LRRC4C: variants seen among roughly 807,000 people sequenced by gnomAD.
The protein encoded by LRRC4C is leucine rich repeat containing 4C, also known as leucine-rich repeat-containing protein 4C.
Under a neutral mutation model 33.6 loss-of-function variants are expected in LRRC4C, and 5 were observed. The observed-to-expected ratio is 0.15, with a 90% CI of 0.08 to 0.31. The LOEUF is 0.31. Ranked by LOEUF, LRRC4C falls within the 10% of genes least tolerant of loss-of-function variation. The pLI is 1.00. For missense variants in LRRC4C, 560 were observed against 796.7 expected (o/e 0.70, Z 3.58); for synonymous variants, 329 against 302.0 (o/e 1.09, Z -0.93).
intron 1 of LRRC4C, among the ~76,000 whole-genome samples, chr11:41,333,050 T>C (rs1303009766): frequency 2.0e-5 from 3 of 152,190 alleles, no homozygotes; most frequent in Non-Finnish European, 4.4e-5. Flanking sequence ...GCAGATGTCT[T>C]ATTCTGTTTT....
At chr11:40,848,013 GT>G (rs1275985979) in intron 2 of LRRC4C, among the ~76,000 whole-genome samples, 1 of 151,556 alleles carries the variant, frequency 6.6e-6, no homozygotes, top group East Asian at 1.9e-4. Flanking sequence ...CCTTTTATCA[GT>G]TTTTATTGTG....
chr11:40,451,201 A>G (rs1178947801), intron 3 of LRRC4C, among the ~76,000 whole-genome samples: 2 of 151,760 alleles, frequency 1.3e-5, no homozygotes, highest in Non-Finnish European at 2.9e-5. Flanking sequence ...TAGACAGTGA[A>G]AAATAATAGA....
intron 5 of LRRC4C, among the ~76,000 whole-genome samples, chr11:40,187,644 G>A (rs1309536123): frequency 1.3e-5 from 2 of 152,068 alleles, no homozygotes; most frequent in Non-Finnish European, 2.9e-5. Context: ...GAGAAGGAAA[G>A]GGACTCTGGC....
chr11:41,430,450 G>T (rs1286034462), intron 1 of LRRC4C, among the ~76,000 whole-genome samples: 1 of 152,050 alleles, frequency 6.6e-6, no homozygotes, highest in Non-Finnish European at 1.5e-5. Flanking sequence ...TCAAACTGTT[G>T]TGCCAGTTCC....
At chr11:40,276,674 A>AGT (rs56155922) in intron 4 of LRRC4C, among the ~76,000 whole-genome samples, 12,540 of 127,468 alleles carry the variant, frequency 0.098, 701 homozygotes, top group East Asian at 0.16. Context: ...GTGGGAAACA[A>AGT]GTGTGTGTGT....
chr11:41,208,158 G>A (rs1946675236), intron 1 of LRRC4C, among the ~76,000 whole-genome samples: 1 of 152,192 alleles, frequency 6.6e-6, no homozygotes, highest in Non-Finnish European at 1.5e-5. Context: ...GGAACATGCT[G>A]TTAGGAACTG....
Position 40,834,106 on chromosome 11 carries a change from T to A in LRRC4C, c.-407+99529A>T, listed in dbSNP as rs566367004. On this transcript the variant is annotated intron_variant, in intron 2 of 6. Transcript: ENST00000528697. The stretch of plus-strand genomic sequence containing the variant: ...CTGCAGTGTCATGCCATCATAGTAA[T>A]TTGTGAGTTAAAAAAAATAATCTCA... Among the ~76,000 whole-genome samples, 3 of 152,272 alleles carry A rather than the reference T, an allele frequency of 2.0e-5. No individual in the cohort carries two copies. In the South Asian group the frequency reaches 6.2e-4, roughly 32 times the overall value.
At chr11:41,095,064 G>C (rs895979648) in intron 1 of LRRC4C, among the ~76,000 whole-genome samples, 3 of 152,172 alleles carry the variant, frequency 2.0e-5, no homozygotes, top group Non-Finnish European at 2.9e-5. Context: ...AATACTATCT[G>C]AGACTGGGTA....
chr11:40,960,794 G>T (rs1850928545), intron 1 of LRRC4C, among the ~76,000 whole-genome samples: 1 of 151,664 alleles, frequency 6.6e-6, no homozygotes, highest in Admixed American at 6.6e-5. Context: ...AAGAGAAGGG[G>T]AGTTTGCCAA....
At chr11:40,278,501 C>T (rs1280375383) in intron 4 of LRRC4C, among the ~76,000 whole-genome samples, 3 of 151,862 alleles carry the variant, frequency 2.0e-5, no homozygotes, top group Non-Finnish European at 4.4e-5. Context: ...TCTTCATTTC[C>T]GAAAAAGGAC....
intron 2 of LRRC4C, among the ~76,000 whole-genome samples, chr11:40,881,642 G>T (rs1200968101): frequency 1.5e-5 from 2 of 131,154 alleles, no homozygotes; most frequent in African/African-American, 5.6e-5. Flanking sequence ...ATTTTTAATG[G>T]CAGTTGTAGT....
intron 2 of LRRC4C, among the ~76,000 whole-genome samples, chr11:40,707,203 T>C (rs991704391): frequency 1.3e-5 from 2 of 152,180 alleles, no homozygotes; most frequent in African/African-American, 4.8e-5. Context: ...ATCCTTTATT[T>C]CTTTTTCTTG....
intron 3 of LRRC4C, among the ~76,000 whole-genome samples, chr11:40,626,350 T>TA (rs138931284): frequency 0.02 from 3,120 of 152,274 alleles, 50 homozygotes; most frequent in South Asian, 0.038. Flanking sequence ...CTGCTTTTTT[T>TA]AAAAAGCTCT....
intron 6 of LRRC4C, 81 bp from the exon 7 acceptor site, chr11:40,116,415 G>A (rs771964643): frequency 5.9e-5 from 81 of 1,378,308 alleles, no homozygotes; most frequent in Non-Finnish European, 7.3e-5. Context: ...CGGTGATATA[G>A]TGTATCAGCT....
chr11:40,204,225 A>T (rs1479917002), intron 5 of LRRC4C, among the ~76,000 whole-genome samples: 1 of 152,070 alleles, frequency 6.6e-6, no homozygotes, highest in African/African-American at 2.4e-5. Flanking sequence ...GTCCCCTGCT[A>T]GTCCAGGAAG....
chr11:40,354,213 A>T (rs1027369991), intron 3 of LRRC4C, among the ~76,000 whole-genome samples: 2 of 152,124 alleles, frequency 1.3e-5, no homozygotes, highest in African/African-American at 4.8e-5. Flanking sequence ...CCCTAAACAA[A>T]TAGAATCTGT....
chr11:40,246,548 G>A (rs1344147277), intron 4 of LRRC4C, among the ~76,000 whole-genome samples: 1 of 151,970 alleles, frequency 6.6e-6, no homozygotes, highest in African/African-American at 2.4e-5. Flanking sequence ...TTCTATTAGC[G>A]GCAGAAATAT....
chr11:40,966,709 C>T (rs986220671), intron 1 of LRRC4C, among the ~76,000 whole-genome samples: 1 of 151,856 alleles, frequency 6.6e-6, no homozygotes, highest in African/African-American at 2.4e-5. Context: ...CTTGATTTTT[C>T]TCTTCATTGA....
chr11:40,319,276 T>TC (rs1453420684), intron 4 of LRRC4C, among the ~76,000 whole-genome samples: 1 of 152,060 alleles, frequency 6.6e-6, no homozygotes, highest in Non-Finnish European at 1.5e-5. Flanking sequence ...CCCATTCTCT[T>TC]CCCCTTCATC....
Sources: allele counts gnomAD v4.1 joint callset (sites outside exome capture counted in the v4.1 genomes callset), GRCh38; gene constraint gnomAD v4.1.1; transcripts MANE v1.5; gene names NCBI Gene and HGNC (gene_info 2026-07-23, HGNC 2026-07-21).